The following UBE3A variants were observed in gnomAD, a reference collection of about 807,000 sequenced individuals.
UBE3A encodes the protein ubiquitin protein ligase E3A, also known as ubiquitin-protein ligase E3A.
Under a neutral mutation model 83.4 loss-of-function variants are expected in UBE3A, and 6 were observed. That is an observed-to-expected ratio of 0.07 (90% confidence interval 0.04 to 0.14). The LOEUF (loss-of-function observed/expected upper bound fraction) is 0.14, where lower values mean the gene tolerates loss of function less well. UBE3A is among the 10% of genes least tolerant of loss of function. The pLI is 1.00. For synonymous variants in UBE3A, 337 were observed against 355.4 expected (o/e 0.95, Z 0.58); for missense variants, 456 against 1,036.1 (o/e 0.44, Z 7.69).
rs575171752 is a variant in UBE3A, at chr15:25,358,871, A to G, written c.1753+1512T>C. On this transcript the variant is annotated intron_variant, in intron 7 of 12. Transcript: ENST00000648336. ...AACATCCATGGAAATGCTTTTAGTTATAAGTATGGTATTAACAGGATCAAG... is the reference window on the plus strand; with the variant it reads ...AACATCCATGGAAATGCTTTTAGTTGTAAGTATGGTATTAACAGGATCAAG... Among the ~76,000 whole-genome samples, 107 of 152,326 alleles carry G rather than the reference A, an allele frequency of 7.0e-4. 1 individual carries two copies. The Middle Eastern group carries it at 0.01, about 15-fold the overall frequency.
At chr15:25,393,254 G>C (rs555425734) in intron 4 of UBE3A, among the ~76,000 whole-genome samples, 6 of 152,302 alleles carry the variant, frequency 3.9e-5, no homozygotes, top group Non-Finnish European at 8.8e-5. Context: ...AAATAAGCTG[G>C]AAGAGCCAGA....
At chr15:25,406,688 TCACACACACACA>T (rs60819760) in intron 3 of UBE3A, among the ~76,000 whole-genome samples, 2 of 148,588 alleles carry the variant, frequency 1.3e-5, no homozygotes, top group Admixed American at 6.7e-5. Flanking sequence ...TTAAAATCAG[TCACACACACACA>T]CACACACACA....
At chr15:25,422,963 G>T (rs911479159) in intron 1 of UBE3A, among the ~76,000 whole-genome samples, 1 of 151,108 alleles carries the variant, frequency 6.6e-6, no homozygotes, top group African/African-American at 2.4e-5. Context: ...GCTCCAGCCC[G>T]GGTGACAGAG....
chr15:25,353,651 G>T (rs1347006254), intron 11 of UBE3A, among the ~76,000 whole-genome samples: 2 of 152,190 alleles, frequency 1.3e-5, no homozygotes, highest in Non-Finnish European at 2.9e-5. Flanking sequence ...GAGTCTTAGA[G>T]CAATAGCCTT....
intron 1 of UBE3A, among the ~76,000 whole-genome samples, chr15:25,421,205 C>A (rs1889662472): frequency 6.6e-6 from 1 of 152,108 alleles, no homozygotes. Context: ...TGTGCCACTT[C>A]CCCACCCTCT....
chr15:25,350,601 C>T (rs1489389604), intron 11 of UBE3A, among the ~76,000 whole-genome samples: 1 of 152,176 alleles, frequency 6.6e-6, no homozygotes, highest in African/African-American at 2.4e-5. Context: ...TCCACTCCTA[C>T]ATGTTTGCCC....
intron 4 of UBE3A, among the ~76,000 whole-genome samples, chr15:25,384,217 T>A (rs1049478677): frequency 7.2e-5 from 11 of 152,042 alleles, no homozygotes; most frequent in African/African-American, 2.7e-4. Flanking sequence ...CCCAGCAGTT[T>A]GGGAGGCCAA....
intron 1 of UBE3A, among the ~76,000 whole-genome samples, chr15:25,416,793 G>A (rs1389311397): frequency 3.9e-5 from 6 of 152,108 alleles, no homozygotes; most frequent in Non-Finnish European, 2.9e-5. Flanking sequence ...TGGATAACAG[G>A]CAGCAGAGGA....
intron 1 of UBE3A, among the ~76,000 whole-genome samples, chr15:25,435,772 A>G (rs987169440): frequency 6.6e-5 from 10 of 152,206 alleles, no homozygotes; most frequent in Admixed American, 2.0e-4. Context: ...ACAGACTAAG[A>G]CATCTAGTAA....
In UBE3A at chr15:25,356,025, T is replaced by G. The variant is rs1262004429; in HGVS notation, c.1991A>C (p.Glu664Ala). ...VLYQSLKDLL[E>A]YEGNVEDDMM... ...GTCATCTTCCACATTCCCTTCATAC[T>G]CCAATAAATCTTTTAAACTCTGATA... Residue 664 changes from glutamate (E) to alanine (A), a missense_variant, in exon 9 of 13, where the codon GAG (glutamate) becomes GCG (alanine). Transcript: ENST00000648336. 6.2e-7 allele frequency: 1 copy of G among 1,613,814 alleles called. No homozygotes were observed. Among genetic ancestry groups the G allele is most frequent in the South Asian group, 1.1e-5 (1 of 91,072 alleles).
intron 4 of UBE3A, among the ~76,000 whole-genome samples, chr15:25,376,528 T>C (rs2081249977): frequency 6.6e-6 from 1 of 152,060 alleles, no homozygotes; most frequent in Non-Finnish European, 1.5e-5. Flanking sequence ...CATGCACCTG[T>C]AGTCCCAGCT....
chr15:25,339,039 A>G lies in UBE3A; in HGVS notation c.*98T>C, dbSNP rs2074262253. On this transcript the variant is annotated 3_prime_UTR_variant, in exon 13 of 13. Coordinates refer to ENST00000648336, the MANE Select transcript of UBE3A (RefSeq NM_130839.5). Reference sequence around the variant, plus strand: ...AGCCTTTTTGTACTGGGACACTATCACCACCAAAAATTTATCCCTCGTTAT... The same window carrying G: ...AGCCTTTTTGTACTGGGACACTATCGCCACCAAAAATTTATCCCTCGTTAT... 7.4e-7 allele frequency: 1 copy of G among 1,359,922 alleles called. No homozygotes were observed. Among genetic ancestry groups the G allele is most frequent in the Non-Finnish European group, 9.6e-7 (1 of 1,039,844 alleles). 84.2% of individuals were successfully genotyped at this position (1,359,922 alleles called of 1,614,324 possible).
intron 3 of UBE3A, among the ~76,000 whole-genome samples, chr15:25,405,926 C>A (rs1596253910): frequency 6.6e-6 from 1 of 152,164 alleles, no homozygotes; most frequent in African/African-American, 2.4e-5. Flanking sequence ...CAGTAAACTA[C>A]TCCCTAGGCA....
At position 25,371,031 on chromosome 15, in the gene UBE3A, C is replaced by T. The variant is rs1566957524; in HGVS notation, c.1143G>A (p.Val381=). The T allele has an allele frequency of 1.2e-6, 2 of 1,614,104 alleles. No individual in the cohort carries two copies. Among genetic ancestry groups the T allele is most frequent in the Non-Finnish European group, 8.5e-7 (1 of 1,179,998 alleles). Residue 381 remains valine, a synonymous_variant, in exon 6 of 13, where the codon GTG becomes GTA. Transcript: ENST00000648336. This position sits in a 1 kb window ranked among gnomAD's most constrained non-coding sequence, Gnocchi z 5.3. The stretch of plus-strand genomic sequence containing the variant: ...TGTGATTTGTGTCCACTTCCCCTCC[C>T]ACTACATTTGCATAGTAAACCATTT... The part of the protein sequence containing the change: ...CLKMVYYANV[V]GGEVDTNHNE...
chr15:25,397,099 C>T (rs1380245436), intron 4 of UBE3A, among the ~76,000 whole-genome samples: 3 of 152,176 alleles, frequency 2.0e-5, no homozygotes, highest in Non-Finnish European at 2.9e-5. Flanking sequence ...TGGACCCACT[C>T]ACCTCACTGA....
chr15:25,383,808 T>C (rs938160522), intron 4 of UBE3A, among the ~76,000 whole-genome samples: 3 of 152,154 alleles, frequency 2.0e-5, no homozygotes, highest in Non-Finnish European at 4.4e-5. Context: ...ATTCACCACT[T>C]CTATTCAACA....
At chr15:25,387,903 T>C (rs2152937743) in intron 4 of UBE3A, among the ~76,000 whole-genome samples, 1 of 152,296 alleles carries the variant, frequency 6.6e-6, no homozygotes, top group East Asian at 1.9e-4. Flanking sequence ...AGACACAATC[T>C]ATTAGAACTC....
At position 25,339,015 on chromosome 15, in the gene UBE3A, G is replaced by T; in HGVS notation, c.*122C>A. ...GACTACTGTGGTTGACTATCTTACA[G>T]CCTTTTTGTACTGGGACACTATCAC... On this transcript the variant is annotated 3_prime_UTR_variant, in exon 13 of 13. Coordinates refer to ENST00000648336, the MANE Select transcript of UBE3A (RefSeq NM_130839.5). 1 of 1,162,112 alleles carries T rather than the reference G, an allele frequency of 8.6e-7. No individual in the cohort carries two copies. Among genetic ancestry groups the T allele is most frequent in the Non-Finnish European group, 1.2e-6 (1 of 869,534 alleles). The allele number at this position is 1,162,112 out of a possible 1,614,324, so 72.0% of individuals were successfully genotyped here.
At chr15:25,386,191 G>A (rs2083096579) in intron 4 of UBE3A, among the ~76,000 whole-genome samples, 1 of 152,056 alleles carries the variant, frequency 6.6e-6, no homozygotes, top group Non-Finnish European at 1.5e-5. Flanking sequence ...AGAGGCATAA[G>A]CTCACTAAAA....
Sources: allele counts gnomAD v4.1 joint callset (sites outside exome capture counted in the v4.1 genomes callset), GRCh38; gene constraint gnomAD v4.1.1; non-coding constraint Gnocchi (gnomAD v3.1); transcripts MANE v1.5; gene names NCBI Gene and HGNC (gene_info 2026-07-23, HGNC 2026-07-21).